The following GCN1 variants were observed in gnomAD, a reference collection of about 807,000 sequenced individuals.
The protein encoded by GCN1 is stalled ribosome sensor GCN1.
A neutral mutation model predicts 288.4 loss-of-function variants in GCN1; 90 were observed. The ratio of observed to expected loss-of-function variants is 0.31; its 90% CI spans 0.26 to 0.37. The LOEUF is 0.37. Among genes scored for constraint, GCN1 ranks in the 10% least tolerant of loss-of-function variants. The pLI, the probability that GCN1 is intolerant of heterozygous loss-of-function variation, is 1.00. For missense variants in GCN1, 2,586 were observed against 3,419.9 expected (o/e 0.76, Z 6.08); for synonymous variants, 1,386 against 1,420.2 (o/e 0.98, Z 0.54).
At position 120,156,999 on chromosome 12, in the gene GCN1, G is replaced by C. The variant is rs1341244576; in HGVS notation, c.3088-7C>G. ...GCAGCAACTCCGGGCCATTCTAGGA[G>C]AGAACGGCAGGTAAGTCGAGATGAG... On this transcript the variant is annotated splice_region_variant and splice_polypyrimidine_tract_variant and intron_variant, in intron 26 of 57. Coordinates refer to ENST00000300648, the MANE Select transcript of GCN1 (RefSeq NM_006836.2). This position sits in a 1 kb window ranked among gnomAD's most constrained non-coding sequence, Gnocchi z 5.8. 1 of 1,603,608 alleles carries C rather than the reference G, an allele frequency of 6.2e-7. No homozygotes were observed. Among genetic ancestry groups the C allele is most frequent in the African/African-American group, 1.3e-5 (1 of 74,840 alleles).
intron 3 of GCN1, 72 bp downstream of exon 3, chr12:120,184,752 G>A (rs766423769): frequency 3.8e-5 from 43 of 1,117,438 alleles, no homozygotes; most frequent in Non-Finnish European, 5.7e-5. Context: ...TCTAATCTGG[G>A]CTCTAACCAC....
At position 120,131,235 on chromosome 12, in the gene GCN1, A is replaced by G; in HGVS notation, c.7513T>C (p.Tyr2505His). ...ATCATTTCCTGAACATCACTGCTAT[A>G]TCTGCCGGCACAAAGTCTGCCAGGA... ...VAPGRLCAGRYSSDVQEMILS... is the reference protein window; with the variant it reads ...VAPGRLCAGRHSSDVQEMILS... The change falls in exon 55 of 58, where the codon TAT becomes CAT. Residue 2505 changes from tyrosine (Y) to histidine (H), a missense_variant. By Grantham distance (83) the Tyr-to-His change is moderately conservative. Around this residue, in one of 8 missense-constraint regions of GCN1, gnomAD observed 355 missense variants for 431.1 expected, o/e 0.82. Coordinates refer to ENST00000300648, the MANE Select transcript of GCN1 (RefSeq NM_006836.2). 6.2e-7 allele frequency: 1 copy of G among 1,614,124 alleles called. No individual in the cohort carries two copies. Among genetic ancestry groups the G allele is most frequent in the Non-Finnish European group, 8.5e-7 (1 of 1,179,994 alleles).
intron 15 of GCN1, among the ~76,000 whole-genome samples, chr12:120,169,695 G>A (rs146778453): frequency 0.037 from 5,555 of 152,168 alleles, 324 homozygotes; most frequent in African/African-American, 0.12. Flanking sequence ...GTAAAGACGG[G>A]GTTTCACCAT....
intron 54 of GCN1, 69 bp from the exon 55 acceptor site, chr12:120,131,402 T>A: frequency 6.6e-7 from 1 of 1,505,860 alleles, no homozygotes; most frequent in Non-Finnish European, 9.1e-7. Flanking sequence ...ATGAGGCCCA[T>A]GGGCCCACCC....
At position 120,164,471 on chromosome 12, in the gene GCN1, C is replaced by T. The variant is rs537119684; in HGVS notation, c.1713G>A (p.Ala571=). Reference sequence around the variant, plus strand: ...CGTGCCAGGTGCGGCTCAGGAGCACCGCCACCAGAGCCCGGTGGTACTGCC... The same window carrying T: ...CGTGCCAGGTGCGGCTCAGGAGCACTGCCACCAGAGCCCGGTGGTACTGCC... The part of the protein sequence containing the change: ...KVQQYHRALV[A]VLLSRTWHVR... Residue 571 remains alanine, a synonymous_variant, in exon 18 of 58, where the codon GCG becomes GCA. Coordinates refer to ENST00000300648, the MANE Select transcript of GCN1 (RefSeq NM_006836.2). 36 of 1,614,034 alleles carry T rather than the reference C, an allele frequency of 2.2e-5. No homozygotes were observed. In the Admixed American group the frequency reaches 4.8e-4, roughly 22 times the overall value.
chr12:120,179,381 CCA>C (rs1392047896), intron 5 of GCN1, among the ~76,000 whole-genome samples: 1 of 151,246 alleles, frequency 6.6e-6, no homozygotes, highest in African/African-American at 2.4e-5. Flanking sequence ...CAGGTGCGTG[CCA>C]CCATGCCCAG....
At position 120,147,046 on chromosome 12, in the gene GCN1, C is replaced by T. The variant is rs545138853; in HGVS notation, c.4947+6G>A. 1.6e-5 allele frequency: 24 copies of T among 1,519,522 alleles called. No individual in the cohort carries two copies. The South Asian group carries it at 2.1e-4, about 13-fold the overall frequency. 94.1% of individuals were successfully genotyped at this position (1,519,522 alleles called of 1,614,324 possible). A position where few individuals can be genotyped will look rare whatever the true frequency, so the allele number is the denominator to read the frequency against. ...TATCCCACACTAGCCTCAGCTGGGC[C>T]GCTACCTTCTGGTCTGTCAGGGAGT... is the stretch of plus-strand genomic sequence containing the variant. On this transcript the variant is annotated splice_donor_region_variant and intron_variant, in intron 38 of 57. Coordinates refer to ENST00000300648, the MANE Select transcript of GCN1 (RefSeq NM_006836.2).
chr12:120,157,771 A>C, intron 26 of GCN1, 78 bp downstream of exon 26: 1 of 1,143,530 alleles, frequency 8.7e-7, no homozygotes, highest in African/African-American at 1.5e-5. Flanking sequence ...GGAACTGTTC[A>C]TGAGACAAAA....
At chr12:120,184,744 T>A in intron 3 of GCN1, 80 bp downstream of exon 3, 1 of 1,047,734 alleles carries the variant, frequency 9.5e-7, no homozygotes, top group Non-Finnish European at 1.5e-6. Flanking sequence ...AGTCTGGCTC[T>A]AATCTGGGCT....
At chr12:120,168,915 C>T (rs529690277) in intron 15 of GCN1, among the ~76,000 whole-genome samples, 95 of 152,254 alleles carry the variant, frequency 6.2e-4, no homozygotes, top group African/African-American at 2.2e-3. Flanking sequence ...AGTGAGCACA[C>T]GATATTACAT....
intron 2 of GCN1, among the ~76,000 whole-genome samples, chr12:120,187,600 C>CA (rs1566321631): frequency 6.7e-6 from 1 of 148,820 alleles, no homozygotes; most frequent in African/African-American, 2.5e-5. Context: ...TGTGCCCAAA[C>CA]TTTTTTTTTT....
chr12:120,138,072 T>G (rs1303795073), intron 47 of GCN1, 28 bp from the exon 48 acceptor site: 1 of 1,590,936 alleles, frequency 6.3e-7, no homozygotes, highest in Non-Finnish European at 8.6e-7. Context: ...ATTAACTCAG[T>G]GAATACTGTG....
At chr12:120,180,655 G>A (rs927583262) in intron 5 of GCN1, among the ~76,000 whole-genome samples, 11 of 151,718 alleles carry the variant, frequency 7.3e-5, no homozygotes, top group African/African-American at 2.4e-4. Context: ...AAATGCCCAA[G>A]GTCACTAGTG....
In GCN1 at chr12:120,128,583, A is replaced by G. The variant is rs113639157; in HGVS notation, c.7891-609T>C. On this transcript the variant is annotated intron_variant, in intron 57 of 57. Coordinates refer to ENST00000300648, the MANE Select transcript of GCN1 (RefSeq NM_006836.2). ...ACTCCTGACCTCCGGTGATCCGCCC[A>G]CCTTGGCCTCCCAAAAGTGCTGAGA... Among the ~76,000 whole-genome samples, 429 of 151,954 alleles carry G rather than the reference A, an allele frequency of 2.8e-3. 3 individuals are homozygous for G. Among genetic ancestry groups the G allele is most frequent in the African/African-American group, 1.0e-2 (414 of 41,460 alleles).
At chr12:120,141,901 G>A (rs928352457) in intron 44 of GCN1, among the ~76,000 whole-genome samples, 3 of 152,144 alleles carry the variant, frequency 2.0e-5, no homozygotes, top group Non-Finnish European at 4.4e-5. Flanking sequence ...ACATCTCTTT[G>A]TGTGGTTATT....
chr12:120,173,672 G>A lies in GCN1; in HGVS notation c.1347C>T (p.Cys449=). Reference sequence around the variant, plus strand: ...TCTTACCCCGGTAAGAGGCCAACATGCACTGCAGGTAGGCATGCCTCACCG... The same window carrying A: ...TCTTACCCCGGTAAGAGGCCAACATACACTGCAGGTAGGCATGCCTCACCG... The part of the protein sequence containing the change: ...TSAVRHAYLQ[C]MLASYRGDTL... Residue 449 remains cysteine, a synonymous_variant, in exon 14 of 58, where the codon TGC becomes TGT. Transcript: ENST00000300648. 6.2e-7 allele frequency: 1 copy of A among 1,609,210 alleles called. No individual in the cohort carries two copies. The highest frequency in any genetic ancestry group is 8.5e-7 in the Non-Finnish European group (1 of 1,175,464).
rs1877811924 is a variant in GCN1 at position 120,158,126 on chromosome 12, G to A, written c.2906-96C>T. The A allele has an allele frequency of 1.6e-6, 2 of 1,233,866 alleles. No individual in the cohort carries two copies. The highest frequency in any genetic ancestry group is 2.3e-6 in the Non-Finnish European group (2 of 870,688). The allele number at this position is 1,233,866 out of a possible 1,614,324, so 76.4% of individuals were successfully genotyped here. A position where few individuals can be genotyped will look rare whatever the true frequency, so the allele number is the denominator to read the frequency against. ...TCCTCAGGGAAAGTAGGGAACGGATGGACCAGAGGCCCGTTCTGACACCTG... is the reference window on the plus strand; with the variant it reads ...TCCTCAGGGAAAGTAGGGAACGGATAGACCAGAGGCCCGTTCTGACACCTG... On this transcript the variant is annotated intron_variant, in intron 25 of 57. Transcript: ENST00000300648. The surrounding 1 kb of genome is among the most constrained non-coding windows in gnomAD (Gnocchi z 4.3).
chr12:120,184,330 CT>C (rs1466423809), intron 3 of GCN1, 87 bp from the exon 4 acceptor site: 1 of 1,178,128 alleles, frequency 8.5e-7, no homozygotes, highest in African/African-American at 1.5e-5. Context: ...ACTGGTCTTT[CT>C]CAGGAGAAAC....
Position 120,160,184 on chromosome 12 carries a change from G to A in GCN1, c.2508C>T (p.Ala836=). 6.2e-7 allele frequency: 1 copy of A among 1,612,154 alleles called. No individual in the cohort carries two copies. Among genetic ancestry groups the A allele is most frequent in the Non-Finnish European group, 8.5e-7 (1 of 1,179,892 alleles). ...LTSKQKEMLQ[A]QLDREAQVRR... ...GGACCTGCGCCTCCCTGTCTAGCTGGGCCTGCAGCATCTCCTTCTGCTTGC... is the reference window on the plus strand; with the variant it reads ...GGACCTGCGCCTCCCTGTCTAGCTGAGCCTGCAGCATCTCCTTCTGCTTGC... The change falls in exon 23 of 58, where the codon GCC becomes GCT. Residue 836 remains alanine (A), a synonymous_variant. Transcript: ENST00000300648.
Sources: allele counts gnomAD v4.1 joint callset (sites outside exome capture counted in the v4.1 genomes callset), GRCh38; gene constraint gnomAD v4.1.1; regional missense constraint gnomAD v4.1.1; non-coding constraint Gnocchi (gnomAD v3.1); transcripts MANE v1.5; gene names NCBI Gene and HGNC (gene_info 2026-07-23, HGNC 2026-07-21).